Variants in C11orf24 observed in about 807,000 individuals in gnomAD.
C11orf24 encodes chromosome 11 open reading frame 24.
In C11orf24, 5 loss-of-function variants were observed where a neutral mutation model predicts 7.3. That is an observed-to-expected ratio of 0.69 (90% CI 0.36 to 1.45). The LOEUF (loss-of-function observed/expected upper bound fraction) is 1.45, where lower values mean the gene tolerates loss of function less well. Among genes scored for constraint, C11orf24 ranks in the 40% most tolerant of loss-of-function variants. C11orf24 has a pLI of 0.03. For synonymous variants in C11orf24, 233 were observed against 235.7 expected, an observed-to-expected ratio of 0.99 and a Z score of 0.11; for missense variants, 566 against 590.5, an observed-to-expected ratio of 0.96 and a Z score of 0.43.
chr11:68,265,117 C>T (rs973034205), intron 2 of C11orf24, among the ~76,000 whole-genome samples: 1 of 151,898 alleles, frequency 6.6e-6, no homozygotes, highest in African/African-American at 2.4e-5. Context: ...GGTGGGCAGG[C>T]AGGTGGAGAG....
rs534141000 is a variant in C11orf24, at chr11:68,266,206, G to A, written c.-100+1848C>T. Among the ~76,000 whole-genome samples the A allele has an allele frequency of 5.9e-5, 9 of 152,342 alleles. No individual in the cohort carries two copies. In the South Asian group the frequency reaches 1.9e-3, roughly 32 times the overall value. ...CCTCTGAGCCCCGCTGAGCTGCATG[G>A]GAGTGACATGGGACATGGGATCACA... On this transcript the variant is annotated intron_variant, in intron 2 of 3. Coordinates refer to ENST00000304271, the MANE Select transcript of C11orf24 (RefSeq NM_022338.4).
At position 68,261,605 on chromosome 11, in the gene C11orf24, C is replaced by T. The variant is rs755087066; in HGVS notation, c.*40G>A. On this transcript the variant is annotated 3_prime_UTR_variant, in exon 4 of 4. Coordinates refer to ENST00000304271, the MANE Select transcript of C11orf24 (RefSeq NM_022338.4). ...TGGTCTCAAAGGCAAAAGGAAAGGA[C>T]GAGGAAGGGGCCAGGCCTCCCGCCA... 56 of 1,546,904 alleles carry T rather than the reference C, an allele frequency of 3.6e-5. No individual in the cohort carries two copies. The highest frequency in any genetic ancestry group is 8.5e-5 in the South Asian group (7 of 82,768).
At position 68,261,767 on chromosome 11, in the gene C11orf24, C is replaced by T. The variant is rs764231945; in HGVS notation, c.1228G>A (p.Val410Met). The change falls in exon 4 of 4, where the codon GTG becomes ATG. Residue 410 changes from valine (V) to methionine (M), a missense_variant. Transcript: ENST00000304271. ...ACCAAGACTGTGATGAAAAGGGTCACCCCGAGTAACAGCACCACCAGAAGG... is the reference window on the plus strand; with the variant it reads ...ACCAAGACTGTGATGAAAAGGGTCATCCCGAGTAACAGCACCACCAGAAGG... ...TLLLVVLLLGVTLFITVLVLF... is the reference protein window; with the variant it reads ...TLLLVVLLLGMTLFITVLVLF... 1.2e-6 allele frequency: 2 copies of T among 1,614,234 alleles called. No homozygotes were observed. Among genetic ancestry groups the T allele is most frequent in the South Asian group, 2.2e-5 (2 of 91,090 alleles).
At position 68,271,468 on chromosome 11, in the gene C11orf24, G is replaced by A. The variant is rs554793820; in HGVS notation, c.-298+389C>T. ...ACTTCTTGGGGTCCAGTCCCGTCCT[G>A]GGCTTGCCCGGGAAAGACCCCAGGA... On this transcript the variant is annotated intron_variant, in intron 1 of 3. Transcript: ENST00000304271. Among the ~76,000 whole-genome samples the A allele has an allele frequency of 5.9e-5, 9 of 152,232 alleles. No homozygotes were observed. In the East Asian group the frequency reaches 1.7e-3, roughly 29 times the overall value.
chr11:68,266,240 G>A (rs2098565067), intron 2 of C11orf24, among the ~76,000 whole-genome samples: 1 of 152,206 alleles, frequency 6.6e-6, no homozygotes, highest in African/African-American at 2.4e-5. Context: ...CACGGGCAAG[G>A]ACCCAGCATG....
intron 1 of C11orf24, 27 bp downstream of exon 1, chr11:68,271,830 A>G (rs2098568185): frequency 6.6e-6 from 1 of 152,098 alleles, no homozygotes; most frequent in South Asian, 2.1e-4. Context: ...GACAGCAGCT[A>G]CCCGGACGGC....
At position 68,261,759 on chromosome 11, in the gene C11orf24, A is replaced by C. The variant is rs144805638; in HGVS notation, c.1236T>G (p.Leu412=). 7.6e-5 allele frequency: 123 copies of C among 1,614,204 alleles called. No homozygotes were observed. The African/African-American group carries it at 1.5e-3, about 20-fold the overall frequency. ...LLVVLLLGVT[L]FITVLVLFAL... is the part of the protein sequence containing the mutation. ...CAAACAAAACCAAGACTGTGATGAA[A>C]AGGGTCACCCCGAGTAACAGCACCA... The change falls in exon 4 of 4, where the codon CTT becomes CTG. Residue 412 remains leucine, a synonymous_variant. Transcript: ENST00000304271.
chr11:68,269,726 G>A (rs1019804677), intron 1 of C11orf24, among the ~76,000 whole-genome samples: 2 of 152,148 alleles, frequency 1.3e-5, no homozygotes, highest in African/African-American at 4.8e-5. Flanking sequence ...GACACTCCAC[G>A]GGTTTCTCAG....
At chr11:68,269,645 C>A (rs1168498696) in intron 1 of C11orf24, among the ~76,000 whole-genome samples, 1 of 152,252 alleles carries the variant, frequency 6.6e-6, no homozygotes, top group African/African-American at 2.4e-5. Flanking sequence ...CAGGCACACA[C>A]ATACACATGC....
Position 68,262,438 on chromosome 11 carries a change from G to C in C11orf24, c.557C>G (p.Pro186Arg). The C allele has an allele frequency of 1.2e-6, 2 of 1,614,164 alleles. No individual in the cohort carries two copies. The change falls in exon 4 of 4, where the codon CCA becomes CGA. Residue 186 changes from proline (P) to arginine (R), a missense_variant. Coordinates refer to ENST00000304271, the MANE Select transcript of C11orf24 (RefSeq NM_022338.4). The stretch of plus-strand genomic sequence containing the variant: ...TTGTGCGAGGGCTGTGCTGAGAGAT[G>C]GATGCCCAGTGGCGGTAGTGGACGG... Reference protein sequence around the residue: ...RTPSTTATGHPSLSTALAQVP... With the variant: ...RTPSTTATGHRSLSTALAQVP...
Position 68,262,519 on chromosome 11 carries a change from C to T in C11orf24, c.476G>A (p.Ser159Asn), listed in dbSNP as rs750856609. 1 of 1,612,412 alleles carries T rather than the reference C, an allele frequency of 6.2e-7. No individual in the cohort carries two copies. The highest frequency in any genetic ancestry group is 8.5e-7 in the Non-Finnish European group (1 of 1,178,974). The change falls in exon 4 of 4, where the codon AGC (serine) becomes AAC (asparagine). Residue 159 changes from serine to asparagine, a missense_variant. Ser to Asn is a conservative substitution (Grantham distance 46). Transcript: ENST00000304271. Reference sequence around the variant, plus strand: ...GGGGAGTGCAAGTGTCATGGGAGTGCTGGAGGCCGCAGTCATACTGGAGGC... The same window carrying T: ...GGGGAGTGCAAGTGTCATGGGAGTGTTGGAGGCCGCAGTCATACTGGAGGC... ...TAASSMTAAS[S>N]TPMTLALPAP...
Position 68,262,936 on chromosome 11 carries a change from G to A in C11orf24, c.77-18C>T, listed in dbSNP as rs1399293051. ...AAAGTTGCCTTAAAGTCAGAAAAAG[G>A]AGAAAAAGAGAGACAATCATGTTCA... On this transcript the variant is annotated intron_variant, in intron 3 of 3. Transcript: ENST00000304271. 4 of 1,603,240 alleles carry A rather than the reference G, an allele frequency of 2.5e-6. No homozygotes were observed. The highest frequency in any genetic ancestry group is 1.7e-5 in the Admixed American group (1 of 59,598).
chr11:68,261,616 C>A lies in C11orf24; in HGVS notation c.*29G>T. The A allele has an allele frequency of 6.3e-7, 1 of 1,576,986 alleles. No individual in the cohort carries two copies. The highest frequency in any genetic ancestry group is 1.1e-5 in the South Asian group (1 of 87,140). ...GCAAAAGGAAAGGACGAGGAAGGGGCCAGGCCTCCCGCCAGGCCCCCGCCC... is the reference window on the plus strand; with the variant it reads ...GCAAAAGGAAAGGACGAGGAAGGGGACAGGCCTCCCGCCAGGCCCCCGCCC... On this transcript the variant is annotated 3_prime_UTR_variant, in exon 4 of 4. Transcript: ENST00000304271.
intron 2 of C11orf24, chr11:68,267,490 G>A (rs142873181): frequency 0.013 from 1,947 of 152,344 alleles, 13 homozygotes; most frequent in Non-Finnish European, 0.022. Flanking sequence ...TCACGAAGCC[G>A]AAGAGGGTTG....
chr11:68,267,002 G>C (rs1056318417), intron 2 of C11orf24: 1 of 152,170 alleles, frequency 6.6e-6, no homozygotes, highest in Non-Finnish European at 1.5e-5. Context: ...CTCTATAGAG[G>C]ACAGGATGGC....
Position 68,261,893 on chromosome 11 carries a change from TG to T in C11orf24, c.1101del (p.Thr368LeufsTer30). 6.2e-7 allele frequency: 1 copy of T among 1,614,004 alleles called. No homozygotes were observed. Among genetic ancestry groups the T allele is most frequent in the Non-Finnish European group, 8.5e-7 (1 of 1,180,032 alleles). On this transcript the variant is annotated frameshift_variant, in exon 4 of 4. Transcript: ENST00000304271. LOFTEE classifies it low-confidence loss of function (END_TRUNC). ...CACGAGTCCGTGGCTGGCATCTTAG[TG>T]CCCCCTGAGCTCCTGGGTGTTGGCC... ...STGPTPRSSGGTKMPATDSCQ... is the reference protein window; with the variant it reads ...STGPTPRSSGXTKMPATDSCQ...
chr11:68,271,032 G>C (rs1042915970), intron 1 of C11orf24, among the ~76,000 whole-genome samples: 1 of 152,156 alleles, frequency 6.6e-6, no homozygotes, highest in African/African-American at 2.4e-5. Flanking sequence ...CTAAATACTA[G>C]GGCCTAGTTT....
chr11:68,268,670 C>T (rs896826957), intron 1 of C11orf24, among the ~76,000 whole-genome samples: 3 of 151,832 alleles, frequency 2.0e-5, no homozygotes, highest in Non-Finnish European at 4.4e-5. Context: ...CTAGCCTGGG[C>T]AATAAGAGCA....
intron 1 of C11orf24, among the ~76,000 whole-genome samples, chr11:68,271,172 G>A (rs150481923): frequency 2.5e-3 from 382 of 152,250 alleles, no homozygotes; most frequent in Middle Eastern, 0.01. Flanking sequence ...TTCCTGGGGC[G>A]AGGGATAGCT....
Sources: gnomAD v4.1 joint callset for allele counts (sites outside exome capture counted in the v4.1 genomes callset) on GRCh38, gnomAD v4.1.1 for gene constraint, MANE v1.5 for transcripts, NCBI Gene and HGNC (gene_info 2026-07-23, HGNC 2026-07-21) for gene names.